TTLL5: variants seen among roughly 807,000 people sequenced by gnomAD.
The protein encoded by TTLL5 is tubulin polyglutamylase TTLL5.
Under a neutral mutation model 168.4 loss-of-function variants are expected in TTLL5, and 132 were observed. The observed-to-expected ratio is 0.78, with a 90% confidence interval of 0.68 to 0.91. TTLL5 has a LOEUF of 0.91. TTLL5 is among the 40% of genes least tolerant of loss of function. TTLL5 has a pLI of 0.00. For synonymous variants in TTLL5, 546 were observed against 558.6 expected (o/e 0.98, Z 0.32); for missense variants, 1,545 against 1,581.5 (o/e 0.98, Z 0.39).
intron 31 of TTLL5, among the ~76,000 whole-genome samples, chr14:75,934,712 G>A (rs1566667586): frequency 6.6e-6 from 1 of 151,796 alleles, no homozygotes; most frequent in East Asian, 1.9e-4. Context: ...TATGGAAAGT[G>A]AAAAAAAATT....
chr14:75,862,660 G>C (rs1270814828), intron 28 of TTLL5, among the ~76,000 whole-genome samples: 1 of 152,200 alleles, frequency 6.6e-6, no homozygotes, highest in Admixed American at 6.5e-5. Flanking sequence ...AGAATTTGGA[G>C]CTGGGTGCAG....
intron 28 of TTLL5, among the ~76,000 whole-genome samples, chr14:75,841,044 C>A (rs1896202109): frequency 6.6e-6 from 1 of 152,166 alleles, no homozygotes; most frequent in African/African-American, 2.4e-5. Flanking sequence ...ACTCTTAAAA[C>A]AACCAGATTT....
At chr14:75,683,415 C>T (rs1195773602) in intron 4 of TTLL5, 135 bp from the exon 5 acceptor site, 1 of 649,240 alleles carries the variant, frequency 1.5e-6, no homozygotes, top group Non-Finnish European at 2.7e-6. Context: ...TCACTAGGCT[C>T]ACGTACTAAT....
intron 27 of TTLL5, among the ~76,000 whole-genome samples, chr14:75,817,896 A>G (rs868444077): frequency 1.4e-4 from 17 of 124,716 alleles, no homozygotes; most frequent in Admixed American, 7.6e-4. Context: ...GGAGTGCAGT[A>G]GTGAGATCTT....
At chr14:75,844,872 T>G (rs1896462124) in intron 28 of TTLL5, among the ~76,000 whole-genome samples, 1 of 152,256 alleles carries the variant, frequency 6.6e-6, no homozygotes, top group Admixed American at 6.5e-5. Flanking sequence ...AAATGGAAGT[T>G]TTGACCAGTA....
chr14:75,672,842 A>G (rs558121356), intron 3 of TTLL5, among the ~76,000 whole-genome samples: 16 of 152,296 alleles, frequency 1.1e-4, no homozygotes, highest in African/African-American at 3.6e-4. Flanking sequence ...TAAGGTCTGT[A>G]ATAATGTCCC....
At chr14:75,760,769 A>G (rs1594986612) in intron 18 of TTLL5, among the ~76,000 whole-genome samples, 1 of 152,262 alleles carries the variant, frequency 6.6e-6, no homozygotes. Context: ...GAAATTAGAG[A>G]TGATTCATAG....
At chr14:75,728,692 C>CATT (rs397795305) in intron 12 of TTLL5, among the ~76,000 whole-genome samples, 5 of 151,252 alleles carry the variant, frequency 3.3e-5, no homozygotes, top group East Asian at 3.9e-4. Flanking sequence ...TCATCATCAT[C>CATT]GTCATATTAA....
intron 20 of TTLL5, among the ~76,000 whole-genome samples, chr14:75,769,816 C>T (rs1891170856): frequency 6.6e-6 from 1 of 152,032 alleles, no homozygotes. Context: ...AGGATTGATT[C>T]AGGGTAAAGT....
At chr14:75,954,326 A>G in intron 31 of TTLL5, 98 bp from the exon 32 acceptor site, 1 of 1,235,022 alleles carries the variant, frequency 8.1e-7, no homozygotes, top group Non-Finnish European at 1.2e-6. Context: ...CCACTTCTTT[A>G]TTCTTCAGTG....
intron 31 of TTLL5, among the ~76,000 whole-genome samples, chr14:75,937,731 G>A (rs1566668869): frequency 1.3e-5 from 2 of 152,170 alleles, no homozygotes; most frequent in Non-Finnish European, 2.9e-5. Flanking sequence ...TTTAATGTAT[G>A]TATACACCAC....
At chr14:75,678,560 C>A (rs1026412482) in intron 3 of TTLL5, among the ~76,000 whole-genome samples, 10 of 152,118 alleles carry the variant, frequency 6.6e-5, no homozygotes, top group African/African-American at 2.4e-4. Context: ...TACTGTACAG[C>A]CATTTCCTAG....
intron 3 of TTLL5, among the ~76,000 whole-genome samples, chr14:75,672,286 A>G (rs1883808551): frequency 2.6e-5 from 4 of 152,060 alleles, no homozygotes. Flanking sequence ...TCGCTCTGTC[A>G]CCCAGGCTGG....
chr14:75,749,078 C>A (rs1260128188), intron 17 of TTLL5, among the ~76,000 whole-genome samples: 1 of 152,052 alleles, frequency 6.6e-6, no homozygotes, highest in African/African-American at 2.4e-5. Flanking sequence ...TGTAGTTATA[C>A]CTTATGAAGA....
intron 28 of TTLL5, among the ~76,000 whole-genome samples, chr14:75,826,779 C>T (rs73315484): frequency 0.015 from 2,274 of 152,232 alleles, 55 homozygotes; most frequent in African/African-American, 0.052. Flanking sequence ...TTGGAAGAGC[C>T]TGGGAAGATC....
chr14:75,927,355 C>G lies in TTLL5; in HGVS notation c.3823+25131C>G, dbSNP rs558084500. On this transcript the variant is annotated intron_variant, in intron 31 of 31. Coordinates refer to ENST00000298832, the MANE Select transcript of TTLL5 (RefSeq NM_015072.5). ...GGTCTTATTCTATTTATTTTTTACC[C>G]ATTAACCATCCCCCCGTTTTGTGTA... 3.9e-5 allele frequency among the ~76,000 whole-genome samples: 6 copies of G among 152,230 alleles called. No individual in the cohort carries two copies. In the East Asian group the frequency reaches 9.6e-4, roughly 24 times the overall value.
rs2032952564 is a variant in TTLL5 at position 75,902,183 on chromosome 14, G to A, written c.3782G>A (p.Ser1261Asn). ...AEGQLNGLQS[S>N]LNPAAFVPIT... ...GGGCAGCTGAATGGACTCCAGAGCAGCCTTAACCCTGCAGCCTTTGTGCCC... is the reference window on the plus strand; with the variant it reads ...GGGCAGCTGAATGGACTCCAGAGCAACCTTAACCCTGCAGCCTTTGTGCCC... Residue 1261 changes from serine to asparagine, a missense_variant, in exon 31 of 32, where the codon AGC becomes AAC. Physicochemically the swap from Ser to Asn is conservative, Grantham distance 46. Transcript: ENST00000298832. The A allele has an allele frequency of 1.2e-6, 2 of 1,614,050 alleles. No homozygotes were observed. Among genetic ancestry groups the A allele is most frequent in the Admixed American group, 1.7e-5 (1 of 60,014 alleles).
intron 28 of TTLL5, among the ~76,000 whole-genome samples, chr14:75,854,548 T>C (rs1240494634): frequency 6.6e-6 from 1 of 152,206 alleles, no homozygotes; most frequent in African/African-American, 2.4e-5. Flanking sequence ...AGAATTGTCC[T>C]GTCGTGTAAA....
chr14:75,851,873 AG>A (rs1441797720), intron 28 of TTLL5, among the ~76,000 whole-genome samples: 1 of 152,218 alleles, frequency 6.6e-6, no homozygotes, highest in Non-Finnish European at 1.5e-5. Context: ...TCTCAGAAGC[AG>A]TGCTTGTTGT....
Sources: allele counts gnomAD v4.1 joint callset (sites outside exome capture counted in the v4.1 genomes callset), GRCh38; gene constraint gnomAD v4.1.1; transcripts MANE v1.5; gene names NCBI Gene and HGNC (gene_info 2026-07-23, HGNC 2026-07-21).